Variants in DCC observed in about 807,000 individuals in gnomAD.
DCC encodes the protein netrin receptor DCC.
Under a neutral mutation model 172.5 loss-of-function variants are expected in DCC, and 58 were observed. The ratio of observed to expected loss-of-function variants is 0.34; its 90% CI spans 0.27 to 0.42. DCC has a LOEUF of 0.42. Among genes scored for constraint, DCC ranks in the 10% least tolerant of loss-of-function variants. The pLI is 1.00. For synonymous variants in DCC, 709 were observed against 644.5 expected (o/e 1.10, Z -1.52); for missense variants, 1,740 against 1,791.0 (o/e 0.97, Z 0.51).
chr18:53,268,871 A>T lies in DCC; in HGVS notation c.1912-36707A>T, dbSNP rs183280701. ...GAGGAACTGTAGGGAATGAGGATGG[A>T]TGAGTGGACAAGGAACTAGGGCTGC... On this transcript the variant is annotated intron_variant, in intron 12 of 28. Coordinates refer to ENST00000442544, the MANE Select transcript of DCC (RefSeq NM_005215.4). Among the ~76,000 whole-genome samples, 451 of 152,302 alleles carry T rather than the reference A, an allele frequency of 3.0e-3. 4 individuals carry two copies. The highest frequency in any genetic ancestry group is 0.022 in the Admixed American group (333 of 15,278).
At chr18:53,117,302 A>G (rs773336226) in intron 7 of DCC, among the ~76,000 whole-genome samples, 1 of 151,684 alleles carries the variant, frequency 6.6e-6, no homozygotes, top group Admixed American at 6.6e-5. Context: ...ATGGTTTTTG[A>G]CCTACAAAAG....
chr18:53,514,214 C>T (rs1328055172), intron 27 of DCC, among the ~76,000 whole-genome samples: 17 of 152,062 alleles, frequency 1.1e-4, no homozygotes, highest in Middle Eastern at 3.4e-3. Context: ...GGGTACATAA[C>T]GAAATGAAGG....
intron 12 of DCC, among the ~76,000 whole-genome samples, chr18:53,279,984 A>G (rs1416914205): frequency 6.6e-6 from 1 of 152,100 alleles, no homozygotes; most frequent in Non-Finnish European, 1.5e-5. Flanking sequence ...ACTACCGTTG[A>G]GCACTATGCT....
At chr18:53,298,557 A>G (rs2057096754) in intron 12 of DCC, among the ~76,000 whole-genome samples, 2 of 140,438 alleles carry the variant, frequency 1.4e-5, no homozygotes, top group South Asian at 2.4e-4. Context: ...AAAAAAAAAA[A>G]GGCTTGCAGA....
intron 1 of DCC, among the ~76,000 whole-genome samples, chr18:52,466,543 T>G (rs1988790468): frequency 6.6e-6 from 1 of 152,142 alleles, no homozygotes; most frequent in Admixed American, 6.5e-5. Context: ...CTAGTCTAAT[T>G]CTGCCTCTTC....
intron 5 of DCC, among the ~76,000 whole-genome samples, chr18:53,061,113 G>A (rs1302288593): frequency 6.6e-6 from 1 of 152,082 alleles, no homozygotes; most frequent in East Asian, 1.9e-4. Flanking sequence ...AACATTAACT[G>A]TCATTATTCT....
chr18:52,367,719 T>C (rs1157939), intron 1 of DCC, among the ~76,000 whole-genome samples: 13,439 of 152,252 alleles, frequency 0.088, 986 homozygotes, highest in East Asian at 0.37. Flanking sequence ...AGGTTACCTC[T>C]AACAACTTTG....
intron 5 of DCC, among the ~76,000 whole-genome samples, chr18:52,980,342 A>G (rs546421576): frequency 4.6e-5 from 7 of 152,016 alleles, no homozygotes; most frequent in Non-Finnish European, 8.8e-5. Flanking sequence ...ATTTTAATTC[A>G]TCTTTAAATA....
chr18:52,822,077 T>C (rs2038416935), intron 2 of DCC, among the ~76,000 whole-genome samples: 1 of 152,194 alleles, frequency 6.6e-6, no homozygotes, highest in Admixed American at 6.5e-5. Flanking sequence ...ATCCAATATG[T>C]CCACTGAACT....
rs181268223 is a variant in DCC, at chr18:53,217,646, A to G, written c.1911+2049A>G. 3.4e-4 allele frequency among the ~76,000 whole-genome samples: 52 copies of G among 152,240 alleles called. No individual in the cohort carries two copies. In the Middle Eastern group the frequency reaches 0.017, roughly 50 times the overall value. On this transcript the variant is annotated intron_variant, in intron 12 of 28. Transcript: ENST00000442544. ...ACACCACTTTTTGCATTCTCAGTGT[A>G]TTGATTCAGACAAAGGCAAATGTAA...
At chr18:52,582,472 G>A (rs1452954737) in intron 1 of DCC, among the ~76,000 whole-genome samples, 1 of 152,106 alleles carries the variant, frequency 6.6e-6, no homozygotes, top group Non-Finnish European at 1.5e-5. Context: ...GTGGAAATAC[G>A]CAGCATCTTG....
chr18:52,949,585 C>A (rs994529445), intron 5 of DCC, among the ~76,000 whole-genome samples: 1 of 152,118 alleles, frequency 6.6e-6, no homozygotes, highest in African/African-American at 2.4e-5. Flanking sequence ...CTGATGATTC[C>A]TCAAATAGCC....
At chr18:52,580,621 T>A (rs979779125) in intron 1 of DCC, among the ~76,000 whole-genome samples, 1 of 152,154 alleles carries the variant, frequency 6.6e-6, no homozygotes, top group Non-Finnish European at 1.5e-5. Context: ...AAATGAAAGA[T>A]TTATCACATC....
At chr18:53,295,031 C>T (rs984445176) in intron 12 of DCC, among the ~76,000 whole-genome samples, 2 of 152,108 alleles carry the variant, frequency 1.3e-5, no homozygotes, top group African/African-American at 4.8e-5. Flanking sequence ...CAATTTAAGA[C>T]ATCTCCATAA....
intron 1 of DCC, among the ~76,000 whole-genome samples, chr18:52,427,541 C>A (rs897457806): frequency 6.6e-6 from 1 of 151,914 alleles, no homozygotes; most frequent in Admixed American, 6.6e-5. Context: ...AGAGGGTGTG[C>A]GACTGCAGAT....
intron 15 of DCC, among the ~76,000 whole-genome samples, chr18:53,380,068 T>C (rs902004121): frequency 6.6e-6 from 1 of 152,204 alleles, no homozygotes; most frequent in Non-Finnish European, 1.5e-5. Context: ...TGATTGTCAC[T>C]AAGTGTATTC....
intron 12 of DCC, among the ~76,000 whole-genome samples, chr18:53,262,400 T>G (rs887236664): frequency 3.0e-4 from 45 of 152,230 alleles, no homozygotes; most frequent in African/African-American, 1.1e-3. Context: ...TTTCAACATT[T>G]GGTGTAGATA....
chr18:52,963,846 C>G (rs1338316991), intron 5 of DCC, among the ~76,000 whole-genome samples: 1 of 136,710 alleles, frequency 7.3e-6, no homozygotes, highest in African/African-American at 2.7e-5. Context: ...TTTTTTTATC[C>G]AAACTCTCAG....
At chr18:53,232,682 A>C (rs1447375755) in intron 12 of DCC, among the ~76,000 whole-genome samples, 1 of 152,130 alleles carries the variant, frequency 6.6e-6, no homozygotes, top group Non-Finnish European at 1.5e-5. Flanking sequence ...GCTAAATCGA[A>C]AATGCTAATT....
Sources: allele counts gnomAD v4.1 joint callset (sites outside exome capture counted in the v4.1 genomes callset), GRCh38; gene constraint gnomAD v4.1.1; transcripts MANE v1.5; gene names NCBI Gene and HGNC (gene_info 2026-07-23, HGNC 2026-07-21).